GPC4: variants seen among roughly 807,000 people sequenced by gnomAD.
The protein encoded by GPC4 is glypican-4.
In GPC4, 10 loss-of-function variants were observed where a neutral mutation model predicts 35.0. The ratio of observed to expected loss-of-function variants is 0.29; its 90% CI spans 0.18 to 0.48. The LOEUF (loss-of-function observed/expected upper bound fraction) is 0.48. GPC4 is among the 20% of genes least tolerant of loss of function. The pLI is 0.99. For synonymous variants in GPC4, 167 were observed against 170.2 expected, an observed-to-expected ratio of 0.98 and a Z score of 0.15; for missense variants, 322 against 451.3, an observed-to-expected ratio of 0.71 and a Z score of 2.60.
intron 1 of GPC4, among the ~76,000 whole-genome samples, chrX:133,396,688 C>A (rs962523700): frequency 7.2e-5 from 8 of 111,819 alleles, no homozygotes; most frequent in African/African-American, 2.3e-4. Flanking sequence ...ACAGAAATGT[C>A]TTCTATAAAT....
intron 4 of GPC4, among the ~76,000 whole-genome samples, chrX:133,308,986 GAAA>G (rs751235484): frequency 1.4e-5 from 1 of 73,875 alleles, no homozygotes. Context: ...CTTGCAAACA[GAAA>G]AAAAAAAAAA....
intron 1 of GPC4, among the ~76,000 whole-genome samples, chrX:133,389,841 A>C (rs1446819998): frequency 9.0e-6 from 1 of 111,731 alleles, no homozygotes; most frequent in Non-Finnish European, 1.9e-5. Flanking sequence ...CATAATGAGC[A>C]CTCATGGGTG....
chrX:133,374,601 G>C (rs1033336390), intron 1 of GPC4, among the ~76,000 whole-genome samples: 2 of 111,825 alleles, frequency 1.8e-5, no homozygotes, highest in African/African-American at 3.2e-5. Flanking sequence ...GTATGACCTT[G>C]AGAAAAAATC....
intron 1 of GPC4, among the ~76,000 whole-genome samples, chrX:133,365,157 A>C (rs922188689): frequency 9.0e-6 from 1 of 110,660 alleles, no homozygotes; most frequent in African/African-American, 3.3e-5. Flanking sequence ...AAAGCTTCTC[A>C]ATTTTTTTTT....
intron 1 of GPC4, among the ~76,000 whole-genome samples, chrX:133,383,753 AG>A (rs1474513358): frequency 8.9e-6 from 1 of 111,961 alleles, no homozygotes; most frequent in African/African-American, 3.3e-5. Context: ...AGGCTGAGGC[AG>A]AAGAATTGCT....
At chrX:133,400,825 G>C (rs1289702171) in intron 1 of GPC4, among the ~76,000 whole-genome samples, 4 of 105,909 alleles carry the variant, frequency 3.8e-5, no homozygotes, top group Non-Finnish European at 7.7e-5. Context: ...CAAAGCCCCT[G>C]CCCACAGGTC....
At chrX:133,411,096 G>A (rs751616148) in intron 1 of GPC4, among the ~76,000 whole-genome samples, 19 of 112,428 alleles carry the variant, frequency 1.7e-4, no homozygotes, top group Non-Finnish European at 2.1e-4. Context: ...ACATACACAC[G>A]TACTTTTTTT....
intron 4 of GPC4, among the ~76,000 whole-genome samples, chrX:133,309,655 G>C (rs978222928): frequency 2.7e-5 from 3 of 112,232 alleles, no homozygotes; most frequent in African/African-American, 9.7e-5. Context: ...CTACTACCTT[G>C]CCTGGAGAAA....
In GPC4 at chrX:133,302,041, G is replaced by C. The variant is rs1433780339; in HGVS notation, c.*826C>G. The C allele has an allele frequency of 8.9e-6, 1 of 112,020 alleles. No homozygotes were observed. The highest frequency in any genetic ancestry group is 1.9e-5 in the Non-Finnish European group (1 of 53,217). The allele number at this position is 112,020 out of a possible 1,213,427, so 9.2% of individuals were successfully genotyped here. A position where few individuals can be genotyped will look rare whatever the true frequency, so the allele number is the denominator to read the frequency against. ...GAACATGTGATAACTGGGACATCCTGAATGCTTTCTATCTTTCAAGGGGGA... is the reference window on the plus strand; with the variant it reads ...GAACATGTGATAACTGGGACATCCTCAATGCTTTCTATCTTTCAAGGGGGA... On this transcript the variant is annotated 3_prime_UTR_variant, in exon 9 of 9. Coordinates refer to ENST00000370828, the MANE Select transcript of GPC4 (RefSeq NM_001448.3).
chrX:133,408,476 T>C (rs2124186622), intron 1 of GPC4, among the ~76,000 whole-genome samples: 1 of 112,400 alleles, frequency 8.9e-6, no homozygotes, highest in Admixed American at 9.5e-5. Flanking sequence ...CAGTAGCTCA[T>C]GCCTGTAATC....
chrX:133,380,101 C>A lies in GPC4; in HGVS notation c.160+34705G>T, dbSNP rs549949592. ...CCTGTAATCCCAGCACTTTGGGAGG[C>A]CAAGGTGGGAGGATCATTTGAGGCC... On this transcript the variant is annotated intron_variant, in intron 1 of 8. Transcript: ENST00000370828. 2.3e-4 allele frequency among the ~76,000 whole-genome samples: 25 copies of A among 110,495 alleles called. No homozygotes were observed. In the South Asian group the frequency reaches 8.2e-3, roughly 36 times the overall value.
At chrX:133,342,947 A>C (rs1318604032) in intron 1 of GPC4, among the ~76,000 whole-genome samples, 4 of 111,863 alleles carry the variant, frequency 3.6e-5, no homozygotes, top group Non-Finnish European at 5.6e-5. Context: ...CCTGAGTGAG[A>C]AATCTTTTCT....
chrX:133,344,442 C>T (rs1431409382), intron 1 of GPC4, among the ~76,000 whole-genome samples: 1 of 108,195 alleles, frequency 9.2e-6, no homozygotes, highest in African/African-American at 3.3e-5. Flanking sequence ...TCAGGCTGGC[C>T]TCAAACTCCC....
At chrX:133,398,459 G>T (rs1195947709) in intron 1 of GPC4, among the ~76,000 whole-genome samples, 2 of 111,649 alleles carry the variant, frequency 1.8e-5, no homozygotes, top group Non-Finnish European at 3.8e-5. Flanking sequence ...TTGAATTTCT[G>T]AACAAACTAA....
chrX:133,376,948 C>T (rs1478044958), intron 1 of GPC4, among the ~76,000 whole-genome samples: 2 of 111,834 alleles, frequency 1.8e-5, no homozygotes, highest in Non-Finnish European at 3.8e-5. Context: ...AACCTCAGAG[C>T]AACTGGACAA....
At chrX:133,364,501 CCAAAA>C (rs890219006) in intron 1 of GPC4, among the ~76,000 whole-genome samples, 7 of 111,793 alleles carry the variant, frequency 6.3e-5, no homozygotes, top group African/African-American at 3.3e-5. Context: ...GAAGTGATGA[CCAAAA>C]CAAAACAAAA....
intron 1 of GPC4, among the ~76,000 whole-genome samples, chrX:133,391,935 G>A (rs189518942): frequency 8.9e-6 from 1 of 111,856 alleles, no homozygotes; most frequent in East Asian, 2.8e-4. Flanking sequence ...GTGAGGAGTT[G>A]TATTCACTTA....
intron 3 of GPC4, among the ~76,000 whole-genome samples, chrX:133,322,763 C>T (rs1310483741): frequency 1.8e-5 from 2 of 112,321 alleles, no homozygotes; most frequent in Non-Finnish European, 3.8e-5. Context: ...CTCAAAACAA[C>T]CAAATGGCCT....
intron 1 of GPC4, among the ~76,000 whole-genome samples, chrX:133,389,290 T>G (rs1204050913): frequency 4.5e-5 from 5 of 111,587 alleles, no homozygotes; most frequent in Admixed American, 2.9e-4. Flanking sequence ...AATATTGCCT[T>G]GAAGACTGGA....
Sources: gnomAD v4.1 joint callset for allele counts (sites outside exome capture counted in the v4.1 genomes callset) on GRCh38, gnomAD v4.1.1 for gene constraint, MANE v1.5 for transcripts, NCBI Gene and HGNC (gene_info 2026-07-23, HGNC 2026-07-21) for gene names.